The following DMD variants were observed in gnomAD, a reference collection of about 807,000 sequenced individuals.
DMD encodes the protein dystrophin, also known as mutant dystrophin.
In DMD, 63 loss-of-function variants were observed where a neutral mutation model predicts 330.1. The observed-to-expected ratio is 0.19, with a 90% confidence interval of 0.16 to 0.24. The LOEUF (loss-of-function observed/expected upper bound fraction) is 0.24, where lower values mean the gene tolerates loss of function less well. Ranked by LOEUF, DMD falls within the 10% of genes least tolerant of loss-of-function variation. DMD has a pLI of 1.00. For synonymous variants in DMD, 1,223 were observed against 959.8 expected (o/e 1.27, Z -5.07); for missense variants, 3,344 against 2,684.1 (o/e 1.25, Z -5.43).
At chrX:32,002,982 C>T (rs2095637812) in intron 44 of DMD, among the ~76,000 whole-genome samples, 1 of 111,291 alleles carries the variant, frequency 9.0e-6, no homozygotes, top group Admixed American at 9.5e-5. Flanking sequence ...TTATTGTGAT[C>T]CATAGTTTGG....
chrX:32,491,997 A>G (rs947511679), intron 19 of DMD, among the ~76,000 whole-genome samples: 14 of 111,094 alleles, frequency 1.3e-4, no homozygotes, highest in African/African-American at 3.6e-4. Flanking sequence ...TAAAAAGAGG[A>G]AAAAAAATCC....
At chrX:32,793,102 A>C (rs1035679777) in intron 7 of DMD, among the ~76,000 whole-genome samples, 2 of 112,257 alleles carry the variant, frequency 1.8e-5, no homozygotes, top group Non-Finnish European at 3.8e-5. Context: ...CATATCTAAT[A>C]TCTTCTTAAA....
intron 44 of DMD, among the ~76,000 whole-genome samples, chrX:32,046,267 C>G (rs946455485): frequency 8.9e-6 from 1 of 112,193 alleles, no homozygotes; most frequent in Non-Finnish European, 1.9e-5. Flanking sequence ...AGAAAGTGAC[C>G]ATTTTTCTCC....
At chrX:32,856,781 A>G (rs2081599631) in intron 2 of DMD, among the ~76,000 whole-genome samples, 1 of 111,805 alleles carries the variant, frequency 8.9e-6, no homozygotes, top group African/African-American at 3.3e-5. Context: ...TTTACTGTAC[A>G]TTTAAGAATT....
At chrX:32,978,348 A>T (rs1431970711) in intron 2 of DMD, among the ~76,000 whole-genome samples, 2 of 112,364 alleles carry the variant, frequency 1.8e-5, no homozygotes, top group African/African-American at 6.5e-5. Context: ...ATCTTTTCAG[A>T]TTTATATTAA....
chrX:32,557,018 T>C (rs1603636305), intron 16 of DMD, among the ~76,000 whole-genome samples: 2 of 112,016 alleles, frequency 1.8e-5, no homozygotes, highest in South Asian at 3.7e-4. Context: ...TTTGAATTGA[T>C]TATCTTATTC....
intron 1 of DMD, among the ~76,000 whole-genome samples, chrX:33,259,483 C>T (rs1250395201): frequency 9.2e-6 from 1 of 108,400 alleles, no homozygotes; most frequent in Non-Finnish European, 1.9e-5. Flanking sequence ...AAATTCAAAA[C>T]TTTTGAAGTG....
chrX:32,967,657 C>T (rs985254664), intron 2 of DMD, among the ~76,000 whole-genome samples: 5 of 111,304 alleles, frequency 4.5e-5, no homozygotes, highest in Non-Finnish European at 7.5e-5. Context: ...TGAAAGGGTA[C>T]GGACAGCGTC....
intron 44 of DMD, among the ~76,000 whole-genome samples, chrX:32,036,031 T>C (rs763545484): frequency 3.0e-4 from 33 of 111,255 alleles, no homozygotes; most frequent in Middle Eastern, 4.6e-3. Context: ...ATGGCAAAGG[T>C]TAGGGCGAAG....
intron 23 of DMD, among the ~76,000 whole-genome samples, chrX:32,467,635 T>TATAC (rs892097551): frequency 1.6e-4 from 5 of 31,856 alleles, no homozygotes; most frequent in Admixed American, 5.0e-4. Flanking sequence ...TATACACGTA[T>TATAC]ATATATATAT....
chrX:33,180,510 C>T (rs942617289), intron 1 of DMD, among the ~76,000 whole-genome samples: 1 of 111,078 alleles, frequency 9.0e-6, no homozygotes, highest in Admixed American at 9.6e-5. Context: ...GCCTGCTACC[C>T]ATTTCATCTT....
At chrX:31,955,429 G>A (rs1206752949) in intron 45 of DMD, among the ~76,000 whole-genome samples, 1 of 112,015 alleles carries the variant, frequency 8.9e-6, no homozygotes, top group Non-Finnish European at 1.9e-5. Flanking sequence ...CTGACTTTTA[G>A]TTCTCGATCC....
At chrX:33,192,501 A>C (rs1278705370) in intron 1 of DMD, among the ~76,000 whole-genome samples, 1 of 112,301 alleles carries the variant, frequency 8.9e-6, no homozygotes, top group African/African-American at 3.2e-5. Context: ...AGTAATATGC[A>C]ACAATTTAAT....
At chrX:32,351,540 G>C (rs1386467193) in intron 37 of DMD, among the ~76,000 whole-genome samples, 1 of 108,572 alleles carries the variant, frequency 9.2e-6, no homozygotes, top group Non-Finnish European at 1.9e-5. Flanking sequence ...GCATACCACA[G>C]ATACAGTCAG....
rs774606653 is a variant in DMD at position 33,155,681 on chromosome X, G to A, written c.31+55601C>T. Among the ~76,000 whole-genome samples the A allele has an allele frequency of 8.1e-5, 9 of 110,506 alleles. No homozygotes were observed. In the East Asian group the frequency reaches 2.0e-3, roughly 25 times the overall value. The stretch of plus-strand genomic sequence containing the variant: ...CTTAAAGAAATGCAGCCAGCTAGCC[G>A]GGCATGGTGGCTCGTATCTGTACTC... On this transcript the variant is annotated intron_variant, in intron 1 of 78. Transcript: ENST00000357033.
rs1032050397 is a variant in DMD at position 32,332,690 on chromosome X, C to A, written c.5922+9410G>T. The stretch of plus-strand genomic sequence containing the variant: ...GAAGTGGGCCAGCCAGGTCAGATAT[C>A]CCTTGAAATTCATGAAGAGTTTTGG... On this transcript the variant is annotated intron_variant, in intron 41 of 78. Coordinates refer to ENST00000357033, the MANE Select transcript of DMD (RefSeq NM_004006.3). 4.5e-5 allele frequency among the ~76,000 whole-genome samples: 5 copies of A among 110,289 alleles called. No individual in the cohort carries two copies. The East Asian group carries it at 1.4e-3, about 32-fold the overall frequency.
intron 60 of DMD, among the ~76,000 whole-genome samples, chrX:31,417,541 T>C (rs1267856136): frequency 2.7e-5 from 3 of 111,521 alleles, no homozygotes; most frequent in Admixed American, 9.5e-5. Context: ...CCTGTTTCAT[T>C]TGAAGTTTGA....
chrX:31,684,290 A>G (rs1360448039), intron 52 of DMD, among the ~76,000 whole-genome samples: 1 of 112,279 alleles, frequency 8.9e-6, no homozygotes, highest in Non-Finnish European at 1.9e-5. Flanking sequence ...TTTCCCAAAT[A>G]TGGAAAACTT....
intron 29 of DMD, among the ~76,000 whole-genome samples, chrX:32,436,743 G>T (rs1327074452): frequency 9.1e-6 from 1 of 110,299 alleles, no homozygotes; most frequent in African/African-American, 3.3e-5. Flanking sequence ...CTTGAGCCCG[G>T]GAGTTCAAGA....
Sources: gnomAD v4.1 joint callset for allele counts (sites outside exome capture counted in the v4.1 genomes callset) on GRCh38, gnomAD v4.1.1 for gene constraint, MANE v1.5 for transcripts, NCBI Gene and HGNC (gene_info 2026-07-23, HGNC 2026-07-21) for gene names.